HIVEP3: variants seen among roughly 807,000 people sequenced by gnomAD.
HIVEP3 encodes HIVEP zinc finger 3, also known as transcription factor HIVEP3.
In HIVEP3, 49 loss-of-function variants were observed where a neutral mutation model predicts 152.8. The ratio of observed to expected loss-of-function variants is 0.32; its 90% CI spans 0.26 to 0.41. HIVEP3 has a LOEUF of 0.41. Among genes scored for constraint, HIVEP3 ranks in the 10% least tolerant of loss-of-function variants. The pLI is 1.00. For missense variants in HIVEP3, 2,790 were observed against 3,103.3 expected, an observed-to-expected ratio of 0.90 and a Z score of 2.40; for synonymous variants, 1,269 against 1,289.0, an observed-to-expected ratio of 0.98 and a Z score of 0.33.
chr1:41,925,867 C>T (rs1388614658), intron 1 of HIVEP3, among the ~76,000 whole-genome samples: 1 of 152,186 alleles, frequency 6.6e-6, no homozygotes, highest in Non-Finnish European at 1.5e-5. Flanking sequence ...CAGCCAAAGA[C>T]TACATTTCCC....
intron 5 of HIVEP3, among the ~76,000 whole-genome samples, chr1:41,557,254 G>A (rs960692345): frequency 3.9e-5 from 6 of 152,186 alleles, no homozygotes; most frequent in Non-Finnish European, 8.8e-5. Context: ...AGACCAATCC[G>A]CTCTGGTCCC....
At chr1:41,993,793 A>G in intron 1 of HIVEP3, among the ~76,000 whole-genome samples, 1 of 151,912 alleles carries the variant, frequency 6.6e-6, no homozygotes, top group Non-Finnish European at 1.5e-5. Context: ...AATGTGGCAC[A>G]TATACACCAT....
At chr1:41,966,207 C>T (rs900182290) in intron 1 of HIVEP3, among the ~76,000 whole-genome samples, 1 of 152,110 alleles carries the variant, frequency 6.6e-6, no homozygotes, top group Non-Finnish European at 1.5e-5. Flanking sequence ...GCAGGCCTGC[C>T]TTGCCAAAGC....
At chr1:41,638,054 G>A (rs952315981) in intron 2 of HIVEP3, among the ~76,000 whole-genome samples, 3 of 152,186 alleles carry the variant, frequency 2.0e-5, no homozygotes, top group African/African-American at 7.2e-5. Flanking sequence ...AGGCTCTGAA[G>A]TTGGGAGAGT....
At chr1:41,578,517 G>C (rs1230597561) in intron 4 of HIVEP3, among the ~76,000 whole-genome samples, 1 of 152,162 alleles carries the variant, frequency 6.6e-6, no homozygotes, top group African/African-American at 2.4e-5. Flanking sequence ...AGATATGAGA[G>C]CACAGGAAAT....
chr1:41,590,928 T>C (rs556841053), intron 3 of HIVEP3, among the ~76,000 whole-genome samples: 89 of 152,250 alleles, frequency 5.8e-4, no homozygotes, highest in African/African-American at 2.1e-3. Flanking sequence ...TAACTGATGG[T>C]CCCCTAATCT....
At chr1:41,900,499 T>G (rs978109886) in intron 1 of HIVEP3, among the ~76,000 whole-genome samples, 4 of 152,124 alleles carry the variant, frequency 2.6e-5, no homozygotes, top group African/African-American at 9.7e-5. Context: ...TTTATTATAT[T>G]ATTGCTTTTA....
intron 5 of HIVEP3, among the ~76,000 whole-genome samples, 164 bp from the exon 6 acceptor site, chr1:41,525,074 C>G (rs1642861547): frequency 6.6e-6 from 1 of 152,182 alleles, no homozygotes. Context: ...AACTGAGTCA[C>G]CCTGGTGATC....
intron 3 of HIVEP3, among the ~76,000 whole-genome samples, chr1:41,608,917 CAAAA>C (rs35714997): frequency 1.6e-5 from 2 of 123,546 alleles, no homozygotes; most frequent in African/African-American, 5.9e-5. Flanking sequence ...CTAAAAATAC[CAAAA>C]AAAAAAAAAA....
At chr1:41,985,645 C>T (rs755481083) in intron 1 of HIVEP3, among the ~76,000 whole-genome samples, 4 of 152,258 alleles carry the variant, frequency 2.6e-5, no homozygotes, top group Non-Finnish European at 5.9e-5. Context: ...TGCAGGGACA[C>T]GAAGATGAGT....
chr1:41,545,392 A>AG (rs1558048737), intron 5 of HIVEP3, among the ~76,000 whole-genome samples: 757 of 11,486 alleles, frequency 0.066, 28 homozygotes, highest in African/African-American at 0.21. Context: ...ACCACCACCA[A>AG]TACCACTACC....
At chr1:41,984,664 G>C (rs1645311675) in intron 1 of HIVEP3, among the ~76,000 whole-genome samples, 1 of 152,172 alleles carries the variant, frequency 6.6e-6, no homozygotes, top group Non-Finnish European at 1.5e-5. Context: ...TTAGTTTATT[G>C]TAAGAAAGCA....
chr1:41,718,797 C>G (rs997634383), intron 1 of HIVEP3, among the ~76,000 whole-genome samples: 2 of 146,876 alleles, frequency 1.4e-5, no homozygotes, highest in Non-Finnish European at 2.9e-5. Flanking sequence ...CACACACACA[C>G]GTGCACACAC....
At chr1:41,862,634 C>T (rs1643902058) in intron 1 of HIVEP3, among the ~76,000 whole-genome samples, 2 of 152,168 alleles carry the variant, frequency 1.3e-5, no homozygotes, top group Admixed American at 6.5e-5. Flanking sequence ...CCTCCTGCCT[C>T]CTATTTCTTT....
At position 41,605,874 on chromosome 1, in the gene HIVEP3, A is replaced by G. The variant is rs141655815; in HGVS notation, c.-521-20556T>C. Among the ~76,000 whole-genome samples the G allele has an allele frequency of 3.3e-3, 495 of 152,278 alleles. 4 individuals are homozygous for G. The highest frequency in any genetic ancestry group is 6.6e-3 in the Admixed American group (101 of 15,308). ...ATCAGCTTTCAGATTTGTTTATTTA[A>G]ATAAATTCCCCATAAACATTTTTTG... On this transcript the variant is annotated intron_variant, in intron 3 of 8. Coordinates refer to ENST00000372583, the MANE Select transcript of HIVEP3 (RefSeq NM_024503.5).
rs55853325 is a variant in HIVEP3 at position 41,996,389 on chromosome 1, C to CAAA, written n.119+39415_119+39417dup. Among the ~76,000 whole-genome samples, 851 of 141,818 alleles carry CAAA rather than the reference C, an allele frequency of 6.0e-3. 4 individuals carry two copies. The highest frequency in any genetic ancestry group is 0.017 in the African/African-American group (669 of 38,390). 93.0% of individuals were successfully genotyped at this position (141,818 alleles called of 152,430 possible). Reference sequence around the variant, plus strand: ...TGGGTGACAGAGCAAGAACCTATCTCAAAAAAAAAAAAAGAGAGAGAGAGA... The same window carrying CAAA: ...TGGGTGACAGAGCAAGAACCTATCTCAAAAAAAAAAAAAAAAGAGAGAGAGAGA... On this transcript the variant is annotated intron_variant and non_coding_transcript_variant, in intron 1 of 3. Transcript: ENST00000489103.
At chr1:41,526,939 TCA>T (rs1479431792) in intron 5 of HIVEP3, among the ~76,000 whole-genome samples, 4 of 121,066 alleles carry the variant, frequency 3.3e-5, no homozygotes, top group Admixed American at 8.6e-5. Context: ...ATGCTCACCC[TCA>T]CACATGCTCA....
intron 1 of HIVEP3, among the ~76,000 whole-genome samples, chr1:41,934,686 A>C (rs1645011691): frequency 6.6e-6 from 1 of 152,142 alleles, no homozygotes; most frequent in South Asian, 2.1e-4. Flanking sequence ...AAACACCTCT[A>C]TCTGTTGTTT....
chr1:41,856,742 C>A (rs991910174), intron 1 of HIVEP3, among the ~76,000 whole-genome samples: 1 of 152,054 alleles, frequency 6.6e-6, no homozygotes. Context: ...CCCATCTCTA[C>A]CCAGAAACTC....
Sources: allele counts gnomAD v4.1 joint callset (sites outside exome capture counted in the v4.1 genomes callset), GRCh38; gene constraint gnomAD v4.1.1; transcripts MANE v1.5; gene names NCBI Gene and HGNC (gene_info 2026-07-23, HGNC 2026-07-21).